Variants in NEMP2 observed in about 807,000 individuals in gnomAD.
NEMP2 encodes the protein UPF0571 transmembrane protein.
A neutral mutation model predicts 54.2 loss-of-function variants in NEMP2; 53 were observed. The observed-to-expected ratio is 0.98, with a 90% CI of 0.78 to 1.23. The LOEUF is 1.23. Ranked by LOEUF, NEMP2 falls within the 50% of genes most tolerant of loss-of-function variation. The pLI, the probability that NEMP2 is intolerant of heterozygous loss-of-function variation, is 0.00. For synonymous variants in NEMP2, 197 were observed against 190.3 expected (o/e 1.04, Z -0.29); for missense variants, 455 against 511.3 (o/e 0.89, Z 1.06).
the NEMP2 span, among the ~76,000 whole-genome samples, chr2:190,458,717 A>G: frequency 6.6e-6 from 1 of 152,152 alleles, no homozygotes; most frequent in African/African-American, 2.4e-5. The surrounding 1 kb of genome is among the most constrained non-coding windows in gnomAD (Gnocchi z 5.3). Context: ...AAGTGGCAAA[A>G]ATCCTTACCC....
the NEMP2 span, among the ~76,000 whole-genome samples, chr2:190,426,653 C>T: frequency 3.3e-5 from 5 of 152,094 alleles, no homozygotes; most frequent in African/African-American, 1.2e-4. The surrounding 1 kb of genome is among the most constrained non-coding windows in gnomAD (Gnocchi z 4.7). Context: ...TTTGGAGTCC[C>T]CAGTGTCTAT....
chr2:190,569,505 C>T, the NEMP2 span, among the ~76,000 whole-genome samples: 1 of 152,212 alleles, frequency 6.6e-6, no homozygotes, highest in African/African-American at 2.4e-5. Context: ...AAATCTTTAA[C>T]ATCTTCCATA....
In NEMP2 at chr2:190,507,151, T is replaced by A. The variant is rs541336190; in HGVS notation, c.*2038A>T. On this transcript the variant is annotated 3_prime_UTR_variant, in exon 9 of 9. Transcript: ENST00000409150. This position sits in a 1 kb window ranked among gnomAD's most constrained non-coding sequence, Gnocchi z 4.4. ...ATCACAAGTAATGCTTCTAATTGTT[T>A]AGCTTCTCACAGTAGTCACAAAGCA... 3 of 152,376 alleles carry A rather than the reference T, an allele frequency of 2.0e-5. No homozygotes were observed. The highest frequency in any genetic ancestry group is 2.0e-4 in the Admixed American group (3 of 15,308). The allele number at this position is 152,376 out of a possible 1,614,324, so 9.4% of individuals were successfully genotyped here.
chr2:190,485,161 G>C, the NEMP2 span, among the ~76,000 whole-genome samples: 3 of 152,158 alleles, frequency 2.0e-5, no homozygotes, highest in Non-Finnish European at 2.9e-5. This position sits in a 1 kb window ranked among gnomAD's most constrained non-coding sequence, Gnocchi z 5.1. Context: ...CAAAGTTTTA[G>C]AAAATGATTA....
the NEMP2 span, chr2:190,489,999 C>A: frequency 3.0e-6 from 2 of 656,558 alleles, no homozygotes; most frequent in Non-Finnish European, 2.5e-6. The surrounding 1 kb of genome is among the most constrained non-coding windows in gnomAD (Gnocchi z 6.6). Context: ...AGTGGCGTAT[C>A]GATGAATTCA....
At chr2:190,606,266 A>G in the NEMP2 span, among the ~76,000 whole-genome samples, 11 of 152,170 alleles carry the variant, frequency 7.2e-5, no homozygotes, top group African/African-American at 2.2e-4. Flanking sequence ...TCCCCAAATC[A>G]GGAAGGCTCT....
chr2:190,549,662 C>T, the NEMP2 span, among the ~76,000 whole-genome samples: 4 of 152,042 alleles, frequency 2.6e-5, no homozygotes, highest in Admixed American at 1.3e-4. Context: ...GTCCTATCTT[C>T]GACCAATAGG....
the NEMP2 span, among the ~76,000 whole-genome samples, chr2:190,578,037 C>G: frequency 1.3e-5 from 2 of 152,272 alleles, no homozygotes; most frequent in Non-Finnish European, 1.5e-5. The surrounding 1 kb of genome is among the most constrained non-coding windows in gnomAD (Gnocchi z 4.4). Flanking sequence ...TTTAAATTAC[C>G]TAACTTTCCA....
the NEMP2 span, among the ~76,000 whole-genome samples, chr2:190,565,556 G>A: frequency 6.6e-6 from 1 of 152,196 alleles, no homozygotes; most frequent in Non-Finnish European, 1.5e-5. Context: ...GACAAAAAGA[G>A]AATGCGAGCT....
chr2:190,579,278 T>C, the NEMP2 span, among the ~76,000 whole-genome samples: 1 of 151,470 alleles, frequency 6.6e-6, no homozygotes, highest in South Asian at 2.1e-4. Flanking sequence ...TACATAATTT[T>C]AAAGACACAT....
chr2:190,543,828 A>G, the NEMP2 span, among the ~76,000 whole-genome samples: 60 of 152,262 alleles, frequency 3.9e-4, no homozygotes, highest in Admixed American at 2.6e-4. The surrounding 1 kb of genome is among the most constrained non-coding windows in gnomAD (Gnocchi z 4.7). Context: ...TGACAATTCA[A>G]TTTTCAGCCT....
At chr2:190,537,729 G>C (rs550160801), upstream of NEMP2, among the ~76,000 whole-genome samples, 2 of 152,254 alleles carry the variant, frequency 1.3e-5, no homozygotes, top group Admixed American at 1.3e-4. Context: ...CAATAGAAAA[G>C]GAAAACCCAT....
chr2:190,509,136 C>T lies in NEMP2; in HGVS notation c.*53G>A, dbSNP rs951399267. The T allele has an allele frequency of 2.3e-5, 35 of 1,545,324 alleles. No individual in the cohort carries two copies. Among genetic ancestry groups the T allele is most frequent in the Non-Finnish European group, 2.9e-5 (33 of 1,143,418 alleles). Reference sequence around the variant, plus strand: ...GTTCTGCCTAACTTTAATAGAATCCCTGCCCTTTGCCCACTTCCTTGTCCA... The same window carrying T: ...GTTCTGCCTAACTTTAATAGAATCCTTGCCCTTTGCCCACTTCCTTGTCCA... On this transcript the variant is annotated 3_prime_UTR_variant, in exon 9 of 9. Coordinates refer to ENST00000409150, the MANE Select transcript of NEMP2 (RefSeq NM_001142645.2). This position sits in a 1 kb window ranked among gnomAD's most constrained non-coding sequence, Gnocchi z 6.1.
the NEMP2 span, among the ~76,000 whole-genome samples, chr2:190,460,461 AG>A: frequency 3.9e-5 from 6 of 152,348 alleles, no homozygotes; most frequent in Non-Finnish European, 8.8e-5. Context: ...CACTTAGCAT[AG>A]AGTATGTTCA....
the NEMP2 span, among the ~76,000 whole-genome samples, chr2:190,642,150 T>C: frequency 6.6e-6 from 1 of 152,244 alleles, no homozygotes; most frequent in East Asian, 1.9e-4. The surrounding 1 kb of genome is among the most constrained non-coding windows in gnomAD (Gnocchi z 4.1). Flanking sequence ...ACTTGTATTT[T>C]CACTTGTATT....
the NEMP2 span, among the ~76,000 whole-genome samples, chr2:190,560,694 C>G: frequency 6.6e-6 from 1 of 152,162 alleles, no homozygotes; most frequent in Non-Finnish European, 1.5e-5. The surrounding 1 kb of genome is among the most constrained non-coding windows in gnomAD (Gnocchi z 5.4). Flanking sequence ...TTATTAACTT[C>G]TAACCAAAAA....
chr2:190,520,488 G>C lies in NEMP2; in HGVS notation c.214-1305C>G, dbSNP rs993656069. On this transcript the variant is annotated intron_variant, in intron 2 of 8. Coordinates refer to ENST00000409150, the MANE Select transcript of NEMP2 (RefSeq NM_001142645.2). The surrounding 1 kb of genome is among the most constrained non-coding windows in gnomAD (Gnocchi z 5.4). The stretch of plus-strand genomic sequence containing the variant: ...AAAGGGGAGTAAGAGCACCAGCTTT[G>C]AATCTCAGGCATCAGGTAATATCAC... Among the ~76,000 whole-genome samples the C allele has an allele frequency of 6.6e-6, 1 of 152,182 alleles. No homozygotes were observed. The highest frequency in any genetic ancestry group is 2.4e-5 in the African/African-American group (1 of 41,434).
At chr2:190,447,285 G>C in the NEMP2 span, among the ~76,000 whole-genome samples, 1 of 152,196 alleles carries the variant, frequency 6.6e-6, no homozygotes, top group Non-Finnish European at 1.5e-5. This position sits in a 1 kb window ranked among gnomAD's most constrained non-coding sequence, Gnocchi z 4.5. Context: ...CAAAAGGACA[G>C]CTGGCAATGT....
chr2:190,644,014 G>A, the NEMP2 span, among the ~76,000 whole-genome samples: 1 of 152,144 alleles, frequency 6.6e-6, no homozygotes, highest in African/African-American at 2.4e-5. This position sits in a 1 kb window ranked among gnomAD's most constrained non-coding sequence, Gnocchi z 4.4. Context: ...TATTTAAAAG[G>A]TATTTTGAGA....
Sources: gnomAD v4.1 joint callset for allele counts (sites outside exome capture counted in the v4.1 genomes callset) on GRCh38, gnomAD v4.1.1 for gene constraint, Gnocchi (gnomAD v3.1) non-coding constraint, MANE v1.5 for transcripts, NCBI Gene and HGNC (gene_info 2026-07-23, HGNC 2026-07-21) for gene names.